STON2: variants seen among roughly 807,000 people sequenced by gnomAD.
STON2 encodes stonin-2.
STON2 carries 29 observed loss-of-function variants against 65.7 expected under a neutral mutation model. The ratio of observed to expected loss-of-function variants is 0.44; its 90% confidence interval spans 0.33 to 0.60. STON2 has a LOEUF of 0.60. Ranked by LOEUF, STON2 falls within the 20% of genes least tolerant of loss-of-function variation. The probability of loss-of-function intolerance (pLI) is 0.03; values close to 1 mark genes in which losing one functional copy is unlikely to be tolerated. For missense variants in STON2, 1,054 were observed against 1,118.1 expected, an observed-to-expected ratio of 0.94 and a Z score of 0.82; for synonymous variants, 404 against 414.2, an observed-to-expected ratio of 0.98 and a Z score of 0.30.
chr14:81,347,336 A>C (rs575285646), intron 4 of STON2, among the ~76,000 whole-genome samples: 7 of 152,218 alleles, frequency 4.6e-5, no homozygotes, highest in Non-Finnish European at 7.4e-5. Flanking sequence ...GAAATACATA[A>C]ATTCCTGGAC....
Position 81,261,995 on chromosome 14 carries a change from G to T in STON2, c.*6419C>A. 1 of 1,373,702 alleles carries T rather than the reference G, an allele frequency of 7.3e-7. No individual in the cohort carries two copies. The highest frequency in any genetic ancestry group is 9.4e-7 in the Non-Finnish European group (1 of 1,067,672). 85.1% of individuals were successfully genotyped at this position (1,373,702 alleles called of 1,614,324 possible). A position where few individuals can be genotyped will look rare whatever the true frequency, so the allele number is the denominator to read the frequency against. ...ATGTGAAAAGGAAAAAGATGGACCA[G>T]GTGATTTTTCCAATCTTCAAAATTT... On this transcript the variant is annotated 3_prime_UTR_variant, in exon 8 of 8. Coordinates refer to ENST00000614646, the MANE Select transcript of STON2 (RefSeq NM_001394390.1).
intron 7 of STON2, 198 bp downstream of exon 7, chr14:81,270,466 TCCAACC>T: frequency 6.7e-7 from 1 of 1,485,818 alleles, no homozygotes; most frequent in African/African-American, 1.4e-5. Flanking sequence ...TTTATTTTTT[TCCAACC>T]TTTCTCTCAT....
intron 2 of STON2, among the ~76,000 whole-genome samples, chr14:81,423,156 G>GT (rs1399329258): frequency 2.6e-5 from 4 of 151,858 alleles, no homozygotes; most frequent in Non-Finnish European, 5.9e-5. Flanking sequence ...CACTTTTCTT[G>GT]ATGTTATCAC....
chr14:81,427,472 C>T (rs1302420989), intron 1 of STON2: 1 of 152,194 alleles, frequency 6.6e-6, no homozygotes, highest in East Asian at 1.9e-4. Flanking sequence ...CTCCCCAAGG[C>T]CTGCTCAGGA....
chr14:81,308,795 T>C lies in STON2; in HGVS notation c.742+15222A>G, dbSNP rs1448191819. Among the ~76,000 whole-genome samples the C allele has an allele frequency of 1.9e-3, 34 of 17,818 alleles. 3 individuals carry two copies. The South Asian group carries it at 0.045, about 23-fold the overall frequency. 11.7% of individuals were successfully genotyped at this position (17,818 alleles called of 152,430 possible). ...ATGGTTTTACCCATATATATATATA[T>C]ATATATATATATATATATATATATA... is the stretch of plus-strand genomic sequence containing the variant. On this transcript the variant is annotated intron_variant, in intron 5 of 7. Coordinates refer to ENST00000614646, the MANE Select transcript of STON2 (RefSeq NM_001394390.1).
chr14:81,330,626 G>C (rs1190883092), intron 4 of STON2, among the ~76,000 whole-genome samples: 1 of 152,148 alleles, frequency 6.6e-6, no homozygotes, highest in Non-Finnish European at 1.5e-5. Flanking sequence ...CTCCAAGAGA[G>C]CCAGTGTCCA....
chr14:81,272,306 T>A (rs527965836), intron 6 of STON2, among the ~76,000 whole-genome samples: 8 of 152,228 alleles, frequency 5.3e-5, no homozygotes, highest in Non-Finnish European at 7.4e-5. Context: ...AACCTCATGG[T>A]CCCCAAAACA....
chr14:81,267,843 G>A lies in STON2; in HGVS notation c.*571C>T. ...TTCCAATCTAAACGATCTAGAGCCA[G>A]GAGGGAAATGTCTTGAAAGCTTAAC... On this transcript the variant is annotated 3_prime_UTR_variant, in exon 8 of 8. Transcript: ENST00000614646. 1 of 985,482 alleles carries A rather than the reference G, an allele frequency of 1.0e-6. No homozygotes were observed. 61.0% of individuals were successfully genotyped at this position (985,482 alleles called of 1,614,324 possible).
chr14:81,286,564 G>A (rs948591286), intron 5 of STON2, among the ~76,000 whole-genome samples: 1 of 152,194 alleles, frequency 6.6e-6, no homozygotes, highest in African/African-American at 2.4e-5. Flanking sequence ...ATAGTATAGT[G>A]TAAGCATAAG....
intron 5 of STON2, among the ~76,000 whole-genome samples, chr14:81,315,437 A>C (rs1184142416): frequency 6.6e-6 from 1 of 152,222 alleles, no homozygotes. Context: ...AAGCTGCTTT[A>C]TTGAAACATC....
chr14:81,290,919 A>G (rs1895530272), intron 5 of STON2, among the ~76,000 whole-genome samples: 1 of 152,226 alleles, frequency 6.6e-6, no homozygotes, highest in African/African-American at 2.4e-5. Context: ...TCTCTTAGAA[A>G]AACAGGAAAA....
intron 5 of STON2, among the ~76,000 whole-genome samples, chr14:81,312,402 T>C (rs1595337416): frequency 6.6e-6 from 1 of 152,354 alleles, no homozygotes; most frequent in East Asian, 1.9e-4. Flanking sequence ...TACACCTGTC[T>C]TCAAGGTAAC....
chr14:81,312,686 T>G (rs1566903545), intron 5 of STON2, among the ~76,000 whole-genome samples: 1 of 152,248 alleles, frequency 6.6e-6, no homozygotes, highest in African/African-American at 2.4e-5. Flanking sequence ...TGCCCTTCAT[T>G]GTTTAAACAT....
At chr14:81,402,979 T>C (rs933088265), upstream of STON2, among the ~76,000 whole-genome samples, 1 of 152,186 alleles carries the variant, frequency 6.6e-6, no homozygotes, top group Non-Finnish European at 1.5e-5. Flanking sequence ...ACCCTCAGCA[T>C]TGAGCATAGT....
At chr14:81,427,347 C>G (rs1382140600) in intron 1 of STON2, 1 of 152,200 alleles carries the variant, frequency 6.6e-6, no homozygotes, top group Non-Finnish European at 1.5e-5. Flanking sequence ...AAATGGCAAC[C>G]AAATGACAGG....
intron 3 of STON2, among the ~76,000 whole-genome samples, chr14:81,378,519 T>C (rs1335609875): frequency 6.6e-6 from 1 of 152,240 alleles, no homozygotes; most frequent in African/African-American, 2.4e-5. Flanking sequence ...CCTGGCCTGA[T>C]ACTAGTCCTT....
At chr14:81,360,753 A>G (rs1936758718) in intron 4 of STON2, among the ~76,000 whole-genome samples, 1 of 151,962 alleles carries the variant, frequency 6.6e-6, no homozygotes, top group African/African-American at 2.4e-5. Flanking sequence ...TTGATAACAT[A>G]ATCTTCCATA....
intron 5 of STON2, among the ~76,000 whole-genome samples, chr14:81,284,216 A>C (rs1895244549): frequency 6.6e-6 from 1 of 152,212 alleles, no homozygotes; most frequent in East Asian, 1.9e-4. Flanking sequence ...TCAGATGAAG[A>C]GTTATATGTC....
At chr14:81,383,295 G>A (rs1899623985) in intron 3 of STON2, among the ~76,000 whole-genome samples, 1 of 152,178 alleles carries the variant, frequency 6.6e-6, no homozygotes, top group Admixed American at 6.5e-5. Flanking sequence ...AAATGGAGCT[G>A]AAGAGAGTAC....
Sources: allele counts gnomAD v4.1 joint callset (sites outside exome capture counted in the v4.1 genomes callset), GRCh38; gene constraint gnomAD v4.1.1; transcripts MANE v1.5; gene names NCBI Gene and HGNC (gene_info 2026-07-23, HGNC 2026-07-21).